The following NFIX variants were observed in gnomAD, a reference collection of about 807,000 sequenced individuals.
NFIX encodes the protein nuclear factor I X.
In NFIX, 2 loss-of-function variants were observed where a neutral mutation model predicts 53.3. The observed-to-expected ratio is 0.04, with a 90% CI of 0.02 to 0.12. The LOEUF (loss-of-function observed/expected upper bound fraction) is 0.12. Ranked by LOEUF, NFIX falls within the 10% of genes least tolerant of loss-of-function variation. NFIX has a pLI of 1.00. For synonymous variants in NFIX, 244 were observed against 289.0 expected (o/e 0.84, Z 1.58); for missense variants, 310 against 674.5 (o/e 0.46, Z 5.99).
intron 2 of NFIX, among the ~76,000 whole-genome samples, chr19:13,032,358 A>G (rs1901075496): frequency 1.3e-5 from 2 of 152,182 alleles, no homozygotes; most frequent in African/African-American, 4.8e-5. Flanking sequence ...TTCATCCTAC[A>G]AACACTTTGG....
chr19:13,038,752 T>A (rs1281300039), intron 2 of NFIX, among the ~76,000 whole-genome samples: 1 of 152,192 alleles, frequency 6.6e-6, no homozygotes, highest in South Asian at 2.1e-4. Flanking sequence ...GGTCATCGTT[T>A]CTGCTGGCCT....
chr19:13,007,684 G>A (rs2012100529), intron 1 of NFIX, among the ~76,000 whole-genome samples: 1 of 152,180 alleles, frequency 6.6e-6, no homozygotes. Flanking sequence ...AGGGACTTCG[G>A]AGGAACCGGT....
Position 13,025,291 on chromosome 19 carries a change from C to T in NFIX, c.298C>T (p.Pro100Ser). 1.2e-6 allele frequency: 2 copies of T among 1,614,076 alleles called. No individual in the cohort carries two copies. The highest frequency in any genetic ancestry group is 1.7e-5 in the Admixed American group (1 of 60,032). ...CGTGCTGACCATCACGGGCAAGAAG[C>T]CCCCCTGCTGCGTGCTCTCCAACCC... Reference protein sequence around the residue: ...DFVLTITGKKPPCCVLSNPDQ... With the variant: ...DFVLTITGKKSPCCVLSNPDQ... Residue 100 changes from proline (P) to serine (S), a missense_variant, in exon 2 of 11, where the codon CCC becomes TCC. Coordinates refer to ENST00000592199, the MANE Select transcript of NFIX (RefSeq NM_001365902.3). This position sits in a 1 kb window ranked among gnomAD's most constrained non-coding sequence, Gnocchi z 7.5.
intron 2 of NFIX, among the ~76,000 whole-genome samples, chr19:13,032,710 C>A (rs2013904940): frequency 6.6e-6 from 1 of 152,014 alleles, no homozygotes; most frequent in Non-Finnish European, 1.5e-5. Flanking sequence ...GGACCTGGGC[C>A]CACAGCTTGT....
rs1213139959 is a variant in NFIX at position 13,001,772 on chromosome 19, C to T, written c.27+5908C>T. On this transcript the variant is annotated intron_variant, in intron 1 of 10. Coordinates refer to ENST00000592199, the MANE Select transcript of NFIX (RefSeq NM_001365902.3). The surrounding 1 kb of genome is among the most constrained non-coding windows in gnomAD (Gnocchi z 6.5). ...CACGGGCGCCTCTCCTGGGCATTCC[C>T]TTGGCCTCCGAGCACCATGTGAGAT... 6.6e-6 allele frequency among the ~76,000 whole-genome samples: 1 copy of T among 152,220 alleles called. No homozygotes were observed. The highest frequency in any genetic ancestry group is 2.4e-5 in the African/African-American group (1 of 41,470).
rs368967500 is a variant in NFIX, at chr19:13,068,104, CA to C, written c.560-4933del. 6.9e-5 allele frequency among the ~76,000 whole-genome samples: 10 copies of C among 144,140 alleles called. No homozygotes were observed. Among genetic ancestry groups the C allele is most frequent in the African/African-American group, 7.7e-5 (3 of 39,098 alleles). The allele number at this position is 144,140 out of a possible 152,430, so 94.6% of individuals were successfully genotyped here. On this transcript the variant is annotated intron_variant, in intron 2 of 10. Coordinates refer to ENST00000592199, the MANE Select transcript of NFIX (RefSeq NM_001365902.3). This position sits in a 1 kb window ranked among gnomAD's most constrained non-coding sequence, Gnocchi z 4.2. ...TGGGTGACAGAGCAAGACTCCATCT[CA>C]AAAAAAAAACAAAAACAAAAACAAA...
chr19:13,029,017 C>T lies in NFIX; in HGVS notation c.559+3465C>T, dbSNP rs1047773098. Among the ~76,000 whole-genome samples, 6 of 152,264 alleles carry T rather than the reference C, an allele frequency of 3.9e-5. No individual in the cohort carries two copies. In the South Asian group the frequency reaches 6.2e-4, roughly 16 times the overall value. On this transcript the variant is annotated intron_variant, in intron 2 of 10. Transcript: ENST00000592199. ...GTCACCCTGTCAGATCCCTCCTGTG[C>T]GCCTGCAGCGGAATCCCCACGAAGT...
chr19:13,073,320 G>T lies in NFIX; in HGVS notation c.623-102G>T. On this transcript the variant is annotated intron_variant, in intron 3 of 10. Coordinates refer to ENST00000592199, the MANE Select transcript of NFIX (RefSeq NM_001365902.3). This position sits in a 1 kb window ranked among gnomAD's most constrained non-coding sequence, Gnocchi z 4.5. The stretch of plus-strand genomic sequence containing the variant: ...TGAGGGCTAGCCTGGAGCTGGAAAC[G>T]GGACTTGGGAGGGAGAAGCAACAGT... 9.1e-7 allele frequency: 1 copy of T among 1,104,500 alleles called. No homozygotes were observed. Among genetic ancestry groups the T allele is most frequent in the East Asian group, 2.4e-5 (1 of 42,454 alleles). The allele number at this position is 1,104,500 out of a possible 1,614,324, so 68.4% of individuals were successfully genotyped here. A position where few individuals can be genotyped will look rare whatever the true frequency, so the allele number is the denominator to read the frequency against.
intron 2 of NFIX, among the ~76,000 whole-genome samples, chr19:13,035,892 G>A (rs529718168): frequency 1.3e-5 from 2 of 152,168 alleles, no homozygotes; most frequent in Non-Finnish European, 2.9e-5. Context: ...ACCCTTGCCC[G>A]CATCATCCCA....
Position 13,078,983 on chromosome 19 carries a change from C to G in NFIX, c.1078+248C>G, listed in dbSNP as rs990785946. ...GCAACCTCCCACTTCTCACTCCTCA[C>G]GTGCATGGGTGCTACATACAACACA... On this transcript the variant is annotated intron_variant, in intron 7 of 10. Coordinates refer to ENST00000592199, the MANE Select transcript of NFIX (RefSeq NM_001365902.3). This position sits in a 1 kb window ranked among gnomAD's most constrained non-coding sequence, Gnocchi z 4.7. 6.6e-6 allele frequency among the ~76,000 whole-genome samples: 1 copy of G among 152,262 alleles called. No individual in the cohort carries two copies. Among genetic ancestry groups the G allele is most frequent in the East Asian group, 1.9e-4 (1 of 5,200 alleles).
Position 13,088,434 on chromosome 19 carries a change from C to T in NFIX, c.1402+298C>T, listed in dbSNP as rs1280904282. On this transcript the variant is annotated intron_variant, in intron 9 of 10. Transcript: ENST00000592199. This position sits in a 1 kb window ranked among gnomAD's most constrained non-coding sequence, Gnocchi z 5.9. ...GGGGCGCGCAGGCCAGGGGTGCTGG[C>T]GGGGGTGGGAGGGGGCGGGGAGGCA... Among the ~76,000 whole-genome samples, 1 of 149,312 alleles carries T rather than the reference C, an allele frequency of 6.7e-6. No individual in the cohort carries two copies. The highest frequency in any genetic ancestry group is 2.5e-5 in the African/African-American group (1 of 40,694).
At chr19:13,010,917 T>C (rs2145153309) in intron 1 of NFIX, among the ~76,000 whole-genome samples, 1 of 152,278 alleles carries the variant, frequency 6.6e-6, no homozygotes, top group African/African-American at 2.4e-5. Context: ...GGGGCACAGG[T>C]GGGACATCCC....
At chr19:13,007,063 C>T (rs2012058294) in intron 1 of NFIX, among the ~76,000 whole-genome samples, 3 of 152,150 alleles carry the variant, frequency 2.0e-5, no homozygotes, top group African/African-American at 7.2e-5. Flanking sequence ...CCTTTGCAGC[C>T]TGGAGCTCAG....
chr19:13,062,414 G>T (rs1466002777), intron 2 of NFIX, among the ~76,000 whole-genome samples: 1 of 152,216 alleles, frequency 6.6e-6, no homozygotes, highest in African/African-American at 2.4e-5. Flanking sequence ...GGATCTAGAA[G>T]GGTCTCTTTG....
intron 1 of NFIX, among the ~76,000 whole-genome samples, chr19:13,020,056 C>T (rs1289290484): frequency 6.6e-6 from 1 of 152,012 alleles, no homozygotes; most frequent in African/African-American, 2.4e-5. Flanking sequence ...AACTCTTACA[C>T]TTGCCAGTGA....
chr19:13,043,475 C>T lies in NFIX; in HGVS notation c.559+17923C>T, dbSNP rs1288518147. ...GCCCATGCTGGCCGCCAGCACGTGC[C>T]AGAGAGCTCCTGAGGAAGCAGCTGC... On this transcript the variant is annotated intron_variant, in intron 2 of 10. Coordinates refer to ENST00000592199, the MANE Select transcript of NFIX (RefSeq NM_001365902.3). The surrounding 1 kb of genome is among the most constrained non-coding windows in gnomAD (Gnocchi z 4.0). 6.6e-6 allele frequency among the ~76,000 whole-genome samples: 1 copy of T among 152,190 alleles called. No individual in the cohort carries two copies. Among genetic ancestry groups the T allele is most frequent in the Non-Finnish European group, 1.5e-5 (1 of 68,028 alleles).
chr19:13,050,040 A>G (rs2015234132), intron 2 of NFIX, among the ~76,000 whole-genome samples: 1 of 152,086 alleles, frequency 6.6e-6, no homozygotes, highest in Non-Finnish European at 1.5e-5. Context: ...ATTTATGTGG[A>G]TGTATGTTTT....
rs989751521 is a variant in NFIX, at chr19:13,052,642, G to T, written c.560-20405G>T. ...CATGTCAGACATGTGCCCTTTCTTG[G>T]GCTGAACCTAGAGTTGTTCATAGCC... On this transcript the variant is annotated intron_variant, in intron 2 of 10. Transcript: ENST00000592199. The surrounding 1 kb of genome is among the most constrained non-coding windows in gnomAD (Gnocchi z 5.2). 1.3e-5 allele frequency among the ~76,000 whole-genome samples: 2 copies of T among 152,140 alleles called. No individual in the cohort carries two copies. The highest frequency in any genetic ancestry group is 4.1e-4 in the South Asian group (2 of 4,830).
rs1042848120 is a variant in NFIX, at chr19:13,072,957, T to C, written c.560-90T>C. 3.9e-5 allele frequency: 51 copies of C among 1,297,150 alleles called. No homozygotes were observed. In the South Asian group the frequency reaches 5.1e-4, roughly 13 times the overall value. The allele number at this position is 1,297,150 out of a possible 1,614,324, so 80.4% of individuals were successfully genotyped here. On this transcript the variant is annotated intron_variant, in intron 2 of 10. Transcript: ENST00000592199. The surrounding 1 kb of genome is among the most constrained non-coding windows in gnomAD (Gnocchi z 4.0). ...TGTAGCCAGGGTGGGCCGTCCCTGCTCTTGCACCAGGCTGGAGGGGCCAAT... is the reference window on the plus strand; with the variant it reads ...TGTAGCCAGGGTGGGCCGTCCCTGCCCTTGCACCAGGCTGGAGGGGCCAAT...
Sources: allele counts gnomAD v4.1 joint callset (sites outside exome capture counted in the v4.1 genomes callset), GRCh38; gene constraint gnomAD v4.1.1; non-coding constraint Gnocchi (gnomAD v3.1); transcripts MANE v1.5; gene names NCBI Gene and HGNC (gene_info 2026-07-23, HGNC 2026-07-21).